The following ANKS3 variants were observed in gnomAD, a reference collection of about 807,000 sequenced individuals.
ANKS3 encodes the protein ankyrin repeat and sterile alpha motif domain containing 3.
A neutral mutation model predicts 80.7 loss-of-function variants in ANKS3; 62 were observed. The ratio of observed to expected loss-of-function variants is 0.77; its 90% CI spans 0.63 to 0.95. The LOEUF (loss-of-function observed/expected upper bound fraction) is 0.95, where lower values mean the gene tolerates loss of function less well. ANKS3 is among the 40% of genes least tolerant of loss of function. The pLI is 0.00. For synonymous variants in ANKS3, 489 were observed against 355.3 expected (o/e 1.38, Z -4.23); for missense variants, 1,150 against 883.6 (o/e 1.30, Z -3.82).
In ANKS3 at chr16:4,698,581, C is replaced by A; in HGVS notation, c.1570G>T (p.Ala524Ser). The change falls in exon 14 of 18, where the codon GCC (alanine) becomes TCC (serine). Residue 524 changes from alanine (A) to serine (S), a missense_variant. Ala to Ser is a moderately conservative substitution (Grantham distance 99). Transcript: ENST00000304283. ...TCCTGACACACCTGGCCCCGCGTGG[C>A]CTCTACCTCCTCGCAGCGCTGCAGG... ...QLHKRCEEVEATRGQVCQEQE... is the reference protein window; with the variant it reads ...QLHKRCEEVESTRGQVCQEQE... The A allele has an allele frequency of 6.4e-7, 1 of 1,570,044 alleles. No homozygotes were observed. Among genetic ancestry groups the A allele is most frequent in the Admixed American group, 1.8e-5 (1 of 56,470 alleles).
rs775915015 is a variant in ANKS3, at chr16:4,699,169, G to A, written c.1292C>T (p.Ala431Val). The change falls in exon 12 of 18, where the codon GCC becomes GTC. Residue 431 changes from alanine (A) to valine (V), a missense_variant. Coordinates refer to ENST00000304283, the MANE Select transcript of ANKS3 (RefSeq NM_133450.4). ...ACACCCGATCTGCTCCAGCAGTGCG[G>A]CAAGGTCCTGGCAGGCACAGGGGAC... is the stretch of plus-strand genomic sequence containing the variant. The part of the protein sequence containing the change: ...RAPYSGPQDL[A>V]ALLEQIGCLK... 5.0e-6 allele frequency: 8 copies of A among 1,613,846 alleles called. No individual in the cohort carries two copies. In the Admixed American group the frequency reaches 1.0e-4, roughly 20 times the overall value.
chr16:4,732,686 AAAAC>A (rs1445384888), intron 1 of ANKS3, among the ~76,000 whole-genome samples: 2,402 of 150,290 alleles, frequency 0.016, 71 homozygotes, highest in Non-Finnish European at 0.028. Flanking sequence ...CTCAAAAAAA[AAAAC>A]AAAAAAAAAA....
rs2081411342 is a variant in ANKS3 at position 4,727,443 on chromosome 16, C to G, written c.171-266G>C. 2 of 540,010 alleles carry G rather than the reference C, an allele frequency of 3.7e-6. 1 individual carries two copies. The highest frequency in any genetic ancestry group is 4.2e-5 in the South Asian group (2 of 48,034). The allele number at this position is 540,010 out of a possible 1,614,324, so 33.5% of individuals were successfully genotyped here. The stretch of plus-strand genomic sequence containing the variant: ...AGGCCAGCTATGCTCTTTCACACCA[C>G]CAGATAGGCAGATGGCACTCAACCA... On this transcript the variant is annotated intron_variant, in intron 3 of 17. Transcript: ENST00000304283.
chr16:4,728,293 C>A (rs568103745), intron 3 of ANKS3, among the ~76,000 whole-genome samples: 22 of 152,306 alleles, frequency 1.4e-4, no homozygotes, highest in South Asian at 6.2e-4. Flanking sequence ...GATCCACCCG[C>A]CTTAGCCTCC....
At chr16:4,697,843 G>A in intron 15 of ANKS3, 134 bp downstream of exon 15, 2 of 860,972 alleles carry the variant, frequency 2.3e-6, no homozygotes, top group Non-Finnish European at 3.5e-6. Flanking sequence ...TGGACTCTGG[G>A]ATCATGTGCA....
At chr16:4,700,866 G>A (rs2079860885) in intron 11 of ANKS3, 104 bp downstream of exon 11, 1 of 1,457,938 alleles carries the variant, frequency 6.9e-7, no homozygotes, top group African/African-American at 1.4e-5. Flanking sequence ...CCGCCATTCT[G>A]TTCTCCTAGC....
intron 8 of ANKS3, among the ~76,000 whole-genome samples, chr16:4,703,874 G>A (rs1267632976): frequency 8.6e-6 from 1 of 116,202 alleles, no homozygotes; most frequent in Non-Finnish European, 2.0e-5. Context: ...AGCGGCTTCA[G>A]ACATGTATGA....
In ANKS3 at chr16:4,697,222, G is replaced by T; in HGVS notation, c.1894+111C>A. On this transcript the variant is annotated intron_variant, in intron 16 of 17. Transcript: ENST00000304283. Reference sequence around the variant, plus strand: ...CCTCACCCGTTATGGCCCCAGCCCCGAGGTCAGCCTTGGGGTAGAGAGACA... The same window carrying T: ...CCTCACCCGTTATGGCCCCAGCCCCTAGGTCAGCCTTGGGGTAGAGAGACA... 3.3e-6 allele frequency: 5 copies of T among 1,537,172 alleles called. No individual in the cohort carries two copies. The South Asian group carries it at 5.6e-5, about 17-fold the overall frequency.
chr16:4,724,866 G>A, intron 5 of ANKS3, 35 bp from the exon 6 acceptor site: 1 of 1,607,872 alleles, frequency 6.2e-7, no homozygotes, highest in Non-Finnish European at 8.5e-7. Flanking sequence ...ATGATTGGAA[G>A]AGACAAGTTC....
At chr16:4,713,913 T>G in intron 7 of ANKS3, 138 bp downstream of exon 7, 1 of 1,226,938 alleles carries the variant, frequency 8.2e-7, no homozygotes, top group East Asian at 2.5e-5. Context: ...CCTTGACATG[T>G]AAGCAGCTGG....
In ANKS3 at chr16:4,729,989, C is replaced by A; in HGVS notation, c.161G>T (p.Cys54Phe). The change falls in exon 3 of 18, where the codon TGT becomes TTT. Residue 54 changes from cysteine (C) to phenylalanine (F), a missense_variant. Transcript: ENST00000304283. ...CCCCGAGATCTCTTACCGCTGCACACACTCCTTCACCACTTCATACTGGCC... is the reference window on the plus strand; with the variant it reads ...CCCCGAGATCTCTTACCGCTGCACAAACTCCTTCACCACTTCATACTGGCC... Reference protein sequence around the residue: ...SIGQYEVVKECVQRRELDLNK... With the variant: ...SIGQYEVVKEFVQRRELDLNK... 1.3e-6 allele frequency: 2 copies of A among 1,508,974 alleles called. No individual in the cohort carries two copies. Among genetic ancestry groups the A allele is most frequent in the Admixed American group, 2.0e-5 (1 of 50,110 alleles). The allele number at this position is 1,508,974 out of a possible 1,614,324, so 93.5% of individuals were successfully genotyped here.
At chr16:4,722,089 G>C (rs1352823579) in intron 6 of ANKS3, among the ~76,000 whole-genome samples, 1 of 151,422 alleles carries the variant, frequency 6.6e-6, no homozygotes, top group South Asian at 2.1e-4. Context: ...GACGCAGGCA[G>C]GGTGGGGGAC....
chr16:4,712,057 TAGAC>T (rs1288913186), intron 7 of ANKS3, among the ~76,000 whole-genome samples: 4 of 152,206 alleles, frequency 2.6e-5, no homozygotes, highest in East Asian at 1.9e-4. Context: ...CCATACCTGA[TAGAC>T]AGAACAAAAA....
At chr16:4,703,335 C>G (rs2080019299) in intron 8 of ANKS3, among the ~76,000 whole-genome samples, 1 of 152,048 alleles carries the variant, frequency 6.6e-6, no homozygotes, top group South Asian at 2.1e-4. Flanking sequence ...GCTGGTCTCA[C>G]AACTCCTGAG....
Position 4,701,426 on chromosome 16 carries a change from AT to A in ANKS3, c.1119+7del, listed in dbSNP as rs1317636875. The A allele has an allele frequency of 1.3e-6, 2 of 1,588,648 alleles. No individual in the cohort carries two copies. Among genetic ancestry groups the A allele is most frequent in the African/African-American group, 2.7e-5 (2 of 73,954 alleles). On this transcript the variant is annotated splice_region_variant and intron_variant, in intron 10 of 17. Transcript: ENST00000304283. ...GCTATGGGAGACCAAGAAAGAAAGA[AT>A]CCGTACCTCGTTGCTCTCCACAGAA...
rs762830598 is a variant in ANKS3, at chr16:4,697,006, C to T, written c.*11+11G>A. The stretch of plus-strand genomic sequence containing the variant: ...TCCCACCACGCGGGATCCAGGCTGG[C>T]AGACACTCACCGGCCCGCAGGCTAG... On this transcript the variant is annotated intron_variant, in intron 17 of 17. Transcript: ENST00000304283. 1.9e-6 allele frequency: 3 copies of T among 1,611,212 alleles called. No homozygotes were observed. The highest frequency in any genetic ancestry group is 1.1e-5 in the South Asian group (1 of 90,658).
intron 6 of ANKS3, among the ~76,000 whole-genome samples, chr16:4,720,251 C>T (rs563624983): frequency 2.0e-5 from 3 of 148,678 alleles, no homozygotes; most frequent in African/African-American, 7.4e-5. Context: ...GTCACAAGGT[C>T]AAGAGATTGA....
intron 5 of ANKS3, 61 bp from the exon 6 acceptor site, chr16:4,724,892 C>G (rs1436667937): frequency 6.6e-7 from 1 of 1,510,762 alleles, no homozygotes; most frequent in Non-Finnish European, 9.2e-7. Flanking sequence ...GGCAAAAACT[C>G]CCTGCTGAAG....
At chr16:4,706,438 T>C (rs1237233962) in intron 7 of ANKS3, among the ~76,000 whole-genome samples, 1 of 152,100 alleles carries the variant, frequency 6.6e-6, no homozygotes, top group Non-Finnish European at 1.5e-5. Context: ...GGTTTCACCA[T>C]GTTGGCCAGG....
Sources: allele counts gnomAD v4.1 joint callset (sites outside exome capture counted in the v4.1 genomes callset), GRCh38; gene constraint gnomAD v4.1.1; transcripts MANE v1.5; gene names NCBI Gene and HGNC (gene_info 2026-07-23, HGNC 2026-07-21).